GDF1: variants seen among roughly 807,000 people sequenced by gnomAD.
GDF1 encodes embryonic growth/differentiation factor 1.
GDF1 carries 8 observed loss-of-function variants against 7.4 expected under a neutral mutation model. That is an observed-to-expected ratio of 1.09 (90% CI 0.64 to 1.96). GDF1 has a LOEUF of 1.96. GDF1 is among the 30% of genes most tolerant of loss of function. The pLI is 0.00. For missense variants in GDF1, 574 were observed against 551.5 expected (o/e 1.04, Z -0.41); for synonymous variants, 311 against 276.7 (o/e 1.12, Z -1.23).
rs1421621986 is a variant in GDF1 at position 18,895,012 on chromosome 19, A to T, written c.-1074+812T>A. ...GGGAAGTGAGTGGGGTCAGGCGCCA[A>T]TGTCACCATCATGGTCACTCTCTCG... On this transcript the variant is annotated intron_variant, in intron 1 of 7. Coordinates refer to ENST00000247005, the MANE Select transcript of GDF1 (RefSeq NM_001492.6). This position sits in a 1 kb window ranked among gnomAD's most constrained non-coding sequence, Gnocchi z 6.4. Among the ~76,000 whole-genome samples the T allele has an allele frequency of 6.6e-6, 1 of 152,174 alleles. No homozygotes were observed. The highest frequency in any genetic ancestry group is 1.5e-5 in the Non-Finnish European group (1 of 68,010).
intron 1 of GDF1, among the ~76,000 whole-genome samples, chr19:18,894,755 G>C (rs2056584327): frequency 1.3e-5 from 2 of 152,170 alleles, no homozygotes; most frequent in Admixed American, 1.3e-4. Flanking sequence ...TGGGTGATAT[G>C]GGGACGGGAG....
Position 18,895,944 on chromosome 19 carries a change from C to T in GDF1, c.-1194G>A. On this transcript the variant is annotated 5_prime_UTR_variant, in exon 1 of 8. Coordinates refer to ENST00000247005, the MANE Select transcript of GDF1 (RefSeq NM_001492.6). This position sits in a 1 kb window ranked among gnomAD's most constrained non-coding sequence, Gnocchi z 6.4. ...GCTCAGCCAGGCCGCGACGCGCCAGCCCCCAGCCGCAGTCCGTGCAGCCCC... is the reference window on the plus strand; with the variant it reads ...GCTCAGCCAGGCCGCGACGCGCCAGTCCCCAGCCGCAGTCCGTGCAGCCCC... The T allele has an allele frequency of 1.7e-6, 2 of 1,169,708 alleles. No homozygotes were observed. Among genetic ancestry groups the T allele is most frequent in the Non-Finnish European group, 1.1e-6 (1 of 946,198 alleles). 72.5% of individuals were successfully genotyped at this position (1,169,708 alleles called of 1,614,324 possible). A position where few individuals can be genotyped will look rare whatever the true frequency, so the allele number is the denominator to read the frequency against.
chr19:18,877,240 A>G (rs1450537682), intron 6 of GDF1, among the ~76,000 whole-genome samples: 1 of 152,194 alleles, frequency 6.6e-6, no homozygotes, highest in Non-Finnish European at 1.5e-5. Context: ...TTCTGATGAG[A>G]CATCCTCAGC....
At chr19:18,893,651 G>C in intron 1 of GDF1, 76 bp from the exon 2 acceptor site, 1 of 1,450,922 alleles carries the variant, frequency 6.9e-7, no homozygotes, top group Non-Finnish European at 9.3e-7. Context: ...GGGAAACTGA[G>C]GCCCAGGGAC....
At chr19:18,879,176 G>C in intron 5 of GDF1, 65 bp downstream of exon 5, 1 of 1,606,018 alleles carries the variant, frequency 6.2e-7, no homozygotes, top group East Asian at 2.2e-5. Flanking sequence ...GACTGCCTGA[G>C]GAGGGGACAG....
Position 18,870,755 on chromosome 19 carries a change from TCCTCCTCGCCTTCACCCTGCC to T in GDF1, c.-312-157_-312-137del, listed in dbSNP as rs1460091047. 4.5e-6 allele frequency: 2 copies of T among 442,270 alleles called. No homozygotes were observed. 27.4% of individuals were successfully genotyped at this position (442,270 alleles called of 1,614,324 possible). A position where few individuals can be genotyped will look rare whatever the true frequency, so the allele number is the denominator to read the frequency against. On this transcript the variant is annotated intron_variant, in intron 6 of 7. Transcript: ENST00000247005. This position sits in a 1 kb window ranked among gnomAD's most constrained non-coding sequence, Gnocchi z 5.1. ...CAGGCCCGGGCCTCGCCTTGTGGCT[TCCTCCTCGCCTTCACCCTGCC>T]CCTCCTTGCCTTCACCCTGCCCCTC...
At position 18,869,170 on chromosome 19, in the gene GDF1, C is replaced by T. The variant is rs1232378665; in HGVS notation, c.546G>A (p.Leu182=). 8.7e-7 allele frequency: 1 copy of T among 1,147,818 alleles called. No homozygotes were observed. Among genetic ancestry groups the T allele is most frequent in the South Asian group, 3.3e-5 (1 of 30,492 alleles). 71.1% of individuals were successfully genotyped at this position (1,147,818 alleles called of 1,614,324 possible). ...QGAGADPGPV[L]LRQLVPALGP... is the part of the protein sequence containing the mutation. ...CCAGGGCGGGCACCAACTGGCGGAG[C>T]AGCACCGGCCCGGGGTCCGCGCCCG... Residue 182 remains leucine, a synonymous_variant, in exon 8 of 8, where the codon CTG becomes CTA. Transcript: ENST00000247005.
In GDF1 at chr19:18,879,401, G is replaced by T; in HGVS notation, c.-570-13C>A. ...GCGGAACCAGAACCTGCGGTGGGAG[G>T]AGTCAGGAGGCCGTGGGTGGAGGGG... is the stretch of plus-strand genomic sequence containing the variant. On this transcript the variant is annotated splice_polypyrimidine_tract_variant and intron_variant, in intron 4 of 7. Coordinates refer to ENST00000247005, the MANE Select transcript of GDF1 (RefSeq NM_001492.6). The T allele has an allele frequency of 6.4e-7, 1 of 1,555,008 alleles. No individual in the cohort carries two copies.
chr19:18,883,440 G>T (rs1417272212), intron 3 of GDF1: 2 of 152,208 alleles, frequency 1.3e-5, no homozygotes, highest in Non-Finnish European at 2.9e-5. Context: ...AGCTGAGGTG[G>T]GAGGATCACT....
At chr19:18,877,903 CAA>C (rs2056090624) in intron 6 of GDF1, 3 of 947,436 alleles carry the variant, frequency 3.2e-6, no homozygotes, top group African/African-American at 1.8e-5. Flanking sequence ...CAGCTCGAGC[CAA>C]AAGTCTTGAG....
At chr19:18,883,330 T>C (rs1474072904) in intron 3 of GDF1, 1 of 152,214 alleles carries the variant, frequency 6.6e-6, no homozygotes. Context: ...TAATGCATTC[T>C]AATTAATTCA....
rs886224872 is a variant in GDF1 at position 18,870,467 on chromosome 19, G to C, written c.-160C>G. On this transcript the variant is annotated 5_prime_UTR_variant, in exon 7 of 8. Coordinates refer to ENST00000247005, the MANE Select transcript of GDF1 (RefSeq NM_001492.6). This position sits in a 1 kb window ranked among gnomAD's most constrained non-coding sequence, Gnocchi z 5.1. The stretch of plus-strand genomic sequence containing the variant: ...GGGGCGGGGTCCCAGGGGAGGTGGC[G>C]GCGGCCCTAGAGGAGCAGAGTTGGA... The C allele has an allele frequency of 2.7e-6, 2 of 730,916 alleles. No homozygotes were observed. Among genetic ancestry groups the C allele is most frequent in the Non-Finnish European group, 4.5e-6 (2 of 440,326 alleles). The allele number at this position is 730,916 out of a possible 1,614,324, so 45.3% of individuals were successfully genotyped here. A position where few individuals can be genotyped will look rare whatever the true frequency, so the allele number is the denominator to read the frequency against.
At position 18,878,138 on chromosome 19, in the gene GDF1, G is replaced by A; in HGVS notation, c.-313+792C>T. 1.0e-6 allele frequency: 1 copy of A among 985,504 alleles called. No individual in the cohort carries two copies. The highest frequency in any genetic ancestry group is 1.2e-6 in the Non-Finnish European group (1 of 830,026). The allele number at this position is 985,504 out of a possible 1,614,324, so 61.0% of individuals were successfully genotyped here. On this transcript the variant is annotated intron_variant, in intron 6 of 7. Coordinates refer to ENST00000247005, the MANE Select transcript of GDF1 (RefSeq NM_001492.6). The surrounding 1 kb of genome is among the most constrained non-coding windows in gnomAD (Gnocchi z 4.6). ...CCCACGTCACCGATGGCCCCCACCGGCCAAATCAGAGGGCCTGGCTGGTCG... is the reference window on the plus strand; with the variant it reads ...CCCACGTCACCGATGGCCCCCACCGACCAAATCAGAGGGCCTGGCTGGTCG...
rs2056616748 is a variant in GDF1, at chr19:18,895,969, C to T, written c.-1219G>A. ...CCCCCAGCCGCAGTCCGTGCAGCCC[C>T]GCGCCGCCGCCAGCGCGCTGCCCCA... On this transcript the variant is annotated 5_prime_UTR_variant, in exon 1 of 8. Coordinates refer to ENST00000247005, the MANE Select transcript of GDF1 (RefSeq NM_001492.6). The surrounding 1 kb of genome is among the most constrained non-coding windows in gnomAD (Gnocchi z 6.4). 9.4e-7 allele frequency: 1 copy of T among 1,065,742 alleles called. No individual in the cohort carries two copies. Among genetic ancestry groups the T allele is most frequent in the Non-Finnish European group, 1.1e-6 (1 of 881,568 alleles). The allele number at this position is 1,065,742 out of a possible 1,614,324, so 66.0% of individuals were successfully genotyped here.
At chr19:18,887,736 C>T (rs1568304235) in intron 2 of GDF1, among the ~76,000 whole-genome samples, 1 of 139,900 alleles carries the variant, frequency 7.1e-6, no homozygotes, top group South Asian at 2.3e-4. Flanking sequence ...AAGAGTGAAA[C>T]TCCATCTCAA....
chr19:18,893,815 A>G (rs1169538058), intron 1 of GDF1, among the ~76,000 whole-genome samples: 4 of 147,292 alleles, frequency 2.7e-5, no homozygotes, highest in African/African-American at 1.0e-4. Flanking sequence ...GGAGGCCCCG[A>G]GGGGAGCAGG....
At chr19:18,881,562 CCA>C (rs1232654755) in intron 3 of GDF1, 2 of 152,122 alleles carry the variant, frequency 1.3e-5, no homozygotes, top group African/African-American at 4.8e-5. Context: ...CCCTGTCCTT[CCA>C]CAGAGTCTCC....
chr19:18,895,623 C>A lies in GDF1; in HGVS notation c.-1074+201G>T, dbSNP rs1435478234. Among the ~76,000 whole-genome samples, 2 of 152,022 alleles carry A rather than the reference C, an allele frequency of 1.3e-5. No individual in the cohort carries two copies. The highest frequency in any genetic ancestry group is 2.9e-5 in the Non-Finnish European group (2 of 67,976). On this transcript the variant is annotated intron_variant, in intron 1 of 7. Transcript: ENST00000247005. The surrounding 1 kb of genome is among the most constrained non-coding windows in gnomAD (Gnocchi z 6.4). ...CCCACGCAGCACTGTCTGAAGGGGG[C>A]GCGCGGCGGCCCGAGAGACCTTATC...
At chr19:18,894,699 T>A (rs2056582925) in intron 1 of GDF1, among the ~76,000 whole-genome samples, 1 of 152,016 alleles carries the variant, frequency 6.6e-6, no homozygotes, top group African/African-American at 2.4e-5. Context: ...GACAGCCCTG[T>A]CTCCCCCTCC....
Sources: allele counts gnomAD v4.1 joint callset (sites outside exome capture counted in the v4.1 genomes callset), GRCh38; gene constraint gnomAD v4.1.1; non-coding constraint Gnocchi (gnomAD v3.1); transcripts MANE v1.5; gene names NCBI Gene and HGNC (gene_info 2026-07-23, HGNC 2026-07-21).